The following CREB5 variants were observed in gnomAD, a reference collection of about 807,000 sequenced individuals.
CREB5 encodes the protein cyclic AMP-responsive element-binding protein 5.
A neutral mutation model predicts 57.1 loss-of-function variants in CREB5; 19 were observed. That is an observed-to-expected ratio of 0.33 (90% CI 0.23 to 0.49). The LOEUF is 0.49. Ranked by LOEUF, CREB5 falls within the 20% of genes least tolerant of loss-of-function variation. The probability of loss-of-function intolerance (pLI) is 0.99; values close to 1 mark genes in which losing one functional copy is unlikely to be tolerated. For synonymous variants in CREB5, 238 were observed against 238.3 expected, an observed-to-expected ratio of 1.00 and a Z score of 0.01; for missense variants, 579 against 671.6, an observed-to-expected ratio of 0.86 and a Z score of 1.52.
chr7:28,481,603 T>TA, intron 1 of CREB5, among the ~76,000 whole-genome samples: 1 of 152,206 alleles, frequency 6.6e-6, no homozygotes, highest in South Asian at 2.1e-4. Context: ...AAAGCAGGGT[T>TA]AAAAAGGTCA....
At chr7:28,325,209 C>T (rs963459387) in intron 1 of CREB5, among the ~76,000 whole-genome samples, 5 of 152,308 alleles carry the variant, frequency 3.3e-5, no homozygotes, top group Admixed American at 1.3e-4. Flanking sequence ...ATAATCCCAG[C>T]ACTTTGGGAG....
chr7:28,723,745 C>CA (rs547977586), intron 6 of CREB5, among the ~76,000 whole-genome samples: 4 of 151,918 alleles, frequency 2.6e-5, no homozygotes, highest in Admixed American at 1.3e-4. Flanking sequence ...AATTTAGAGA[C>CA]AAAAAAAGCC....
intron 1 of CREB5, among the ~76,000 whole-genome samples, chr7:28,405,584 T>A (rs1198438709): frequency 6.6e-6 from 1 of 152,130 alleles, no homozygotes. Context: ...GGCTAATTTT[T>A]AAAAACTTTT....
Position 28,622,021 on chromosome 7 carries a change from G to A in CREB5, c.464+51484G>A, listed in dbSNP as rs370212287. ...TCTCAGGTGGATTCTACTTGTACAA[G>A]GCCAAAAAAGATCTTATTACCAGGG... On this transcript the variant is annotated intron_variant, in intron 5 of 10. Transcript: ENST00000357727. Among the ~76,000 whole-genome samples the A allele has an allele frequency of 5.3e-4, 80 of 152,146 alleles. No individual in the cohort carries two copies. The South Asian group carries it at 0.016, about 30-fold the overall frequency.
In CREB5 at chr7:28,804,330, G is replaced by C. The variant is rs139638068; in HGVS notation, c.834G>C (p.Pro278=). Residue 278 remains proline (P), a synonymous_variant, in exon 8 of 11, where the codon CCG becomes CCC. Transcript: ENST00000357727. ...QTPHHHMHSH[P]HQHQTLPPHH... ...CACACCATCACATGCACTCGCACCC[G>C]CATCAGCACCAGACACTGCCACCCC... The C allele has an allele frequency of 6.2e-7, 1 of 1,613,390 alleles. No homozygotes were observed. The highest frequency in any genetic ancestry group is 1.1e-5 in the South Asian group (1 of 90,992).
intron 5 of CREB5, among the ~76,000 whole-genome samples, chr7:28,573,208 A>G (rs538115327): frequency 1.3e-5 from 2 of 152,284 alleles, no homozygotes; most frequent in South Asian, 4.1e-4. Context: ...TGAAAACACG[A>G]GTTCCCTCTG....
At chr7:28,594,858 T>G (rs1027909435) in intron 5 of CREB5, among the ~76,000 whole-genome samples, 1 of 152,152 alleles carries the variant, frequency 6.6e-6, no homozygotes, top group Admixed American at 6.6e-5. Context: ...TTTTAGTTAA[T>G]TCTTCCTCCT....
At chr7:28,777,841 A>G (rs1806749117) in intron 7 of CREB5, among the ~76,000 whole-genome samples, 1 of 152,240 alleles carries the variant, frequency 6.6e-6, no homozygotes, top group Non-Finnish European at 1.5e-5. Context: ...CCAAGAAAAG[A>G]AAAAAGAAAA....
chr7:28,689,475 A>G (rs994747954), intron 5 of CREB5, among the ~76,000 whole-genome samples: 1 of 152,150 alleles, frequency 6.6e-6, no homozygotes, highest in Non-Finnish European at 1.5e-5. Flanking sequence ...CTTAATAATA[A>G]TAATAATAAT....
At chr7:28,509,812 T>C (rs1792627583) in intron 4 of CREB5, among the ~76,000 whole-genome samples, 1 of 152,188 alleles carries the variant, frequency 6.6e-6, no homozygotes, top group Non-Finnish European at 1.5e-5. Context: ...ATGATAGGTG[T>C]GTGGGTGGGG....
chr7:28,552,025 T>A (rs771620402), intron 4 of CREB5, among the ~76,000 whole-genome samples: 3 of 149,528 alleles, frequency 2.0e-5, no homozygotes, highest in Non-Finnish European at 4.4e-5. Context: ...CTCTCTCTCT[T>A]TCTCTCTTTT....
At position 28,528,968 on chromosome 7, in the gene CREB5, A is replaced by AAAG. The variant is rs1314852673; in HGVS notation, c.291+21231_291+21232insAAG. Among the ~76,000 whole-genome samples, 118 of 152,314 alleles carry AAAG rather than the reference A, an allele frequency of 7.7e-4. 2 individuals carry two copies. Among genetic ancestry groups the AAAG allele is most frequent in the Admixed American group, 7.2e-4 (11 of 15,300 alleles). ...TGGAGAGGTCATGAGAGGGTAGAAC[A>AAAG]TCAATTGACTTTGCAATGATTCCTC... On this transcript the variant is annotated intron_variant, in intron 4 of 10. Coordinates refer to ENST00000357727, the MANE Select transcript of CREB5 (RefSeq NM_182898.4).
At chr7:28,367,723 G>T (rs1432713117) in intron 1 of CREB5, among the ~76,000 whole-genome samples, 3 of 152,202 alleles carry the variant, frequency 2.0e-5, no homozygotes, top group Non-Finnish European at 2.9e-5. Flanking sequence ...CAGGAGAATT[G>T]CTTGAACCCG....
At chr7:28,543,520 T>C (rs185169358) in intron 4 of CREB5, among the ~76,000 whole-genome samples, 36 of 151,264 alleles carry the variant, frequency 2.4e-4, no homozygotes, top group African/African-American at 8.5e-4. Context: ...TTTCCATCAG[T>C]TTTTGTACAT....
intron 5 of CREB5, among the ~76,000 whole-genome samples, chr7:28,704,777 T>A (rs1446047516): frequency 2.0e-5 from 3 of 152,168 alleles, no homozygotes; most frequent in Admixed American, 6.5e-5. Flanking sequence ...CTCTTGATCA[T>A]ATCTACTCAT....
chr7:28,732,270 G>A (rs554020072), intron 7 of CREB5, among the ~76,000 whole-genome samples: 1 of 152,088 alleles, frequency 6.6e-6, no homozygotes, highest in Middle Eastern at 3.4e-3. Context: ...TGGTAACCAC[G>A]GCAACTGGTG....
intron 1 of CREB5, among the ~76,000 whole-genome samples, chr7:28,336,456 C>G (rs994735428): frequency 2.6e-5 from 4 of 151,938 alleles, no homozygotes; most frequent in Admixed American, 2.6e-4. Context: ...TTATCCATTT[C>G]TTCTAGGTTT....
intron 1 of CREB5, among the ~76,000 whole-genome samples, chr7:28,473,498 G>T (rs999170382): frequency 6.6e-6 from 1 of 152,176 alleles, no homozygotes; most frequent in Admixed American, 6.5e-5. Flanking sequence ...TGTAAGGTAA[G>T]CTCTGTGAGA....
intron 1 of CREB5, among the ~76,000 whole-genome samples, chr7:28,390,040 G>C (rs1787185021): frequency 7.5e-6 from 1 of 133,154 alleles, no homozygotes; most frequent in Non-Finnish European, 1.7e-5. Context: ...TGTCAAGTAG[G>C]AGGGTTTTTT....
Sources: gnomAD v4.1 joint callset for allele counts (sites outside exome capture counted in the v4.1 genomes callset) on GRCh38, gnomAD v4.1.1 for gene constraint, MANE v1.5 for transcripts, NCBI Gene and HGNC (gene_info 2026-07-23, HGNC 2026-07-21) for gene names.